The following TGM4 variants were observed in gnomAD, a reference collection of about 807,000 sequenced individuals.
TGM4 encodes the protein transglutaminase 4.
TGM4 carries 61 observed loss-of-function variants against 76.3 expected under a neutral mutation model. The ratio of observed to expected loss-of-function variants is 0.80; its 90% confidence interval spans 0.65 to 0.99. The LOEUF (loss-of-function observed/expected upper bound fraction) is 0.99, where lower values mean the gene tolerates loss of function less well. TGM4 is among the 50% of genes least tolerant of loss of function. The pLI is 0.00. For missense variants in TGM4, 794 were observed against 843.2 expected (o/e 0.94, Z 0.72); for synonymous variants, 337 against 329.8 (o/e 1.02, Z -0.24).
At chr3:44,885,254 AC>A (rs1272817057) in intron 1 of TGM4, 70 bp from the exon 2 acceptor site, 1 of 1,473,374 alleles carries the variant, frequency 6.8e-7, no homozygotes, top group Admixed American at 2.1e-5. Context: ...CAGATTTTGA[AC>A]CCAGAAAGAG....
chr3:44,886,724 G>T (rs1699612938), intron 2 of TGM4, among the ~76,000 whole-genome samples: 5 of 152,222 alleles, frequency 3.3e-5, no homozygotes, highest in Admixed American at 3.3e-4. Flanking sequence ...AATATTTGTT[G>T]AGTACCTACT....
chr3:44,910,373 C>T lies in TGM4; in HGVS notation c.1606+5C>T. 1 of 1,612,338 alleles carries T rather than the reference C, an allele frequency of 6.2e-7. No homozygotes were observed. Among genetic ancestry groups the T allele is most frequent in the Non-Finnish European group, 8.5e-7 (1 of 1,178,598 alleles). On this transcript the variant is annotated splice_donor_5th_base_variant and intron_variant, in intron 11 of 13. Transcript: ENST00000296125. Reference sequence around the variant, plus strand: ...CCTCGCAGATCCAAGGTCAAGGTACCAGAACCAGAGGGAGGAGAGGCCTCA... The same window carrying T: ...CCTCGCAGATCCAAGGTCAAGGTACTAGAACCAGAGGGAGGAGAGGCCTCA...
rs1700059780 is a variant in TGM4, at chr3:44,914,674, C to G, written c.*949C>G. ...AATGTGCTGGCGGTTTATGCAGTCA[C>G]TTGGGGAGCCATGGAATCCTTTGAT... On this transcript the variant is annotated 3_prime_UTR_variant, in exon 14 of 14. Transcript: ENST00000296125. 1.3e-5 allele frequency: 2 copies of G among 152,186 alleles called. No homozygotes were observed. The highest frequency in any genetic ancestry group is 6.5e-5 in the Admixed American group (1 of 15,284). The allele number at this position is 152,186 out of a possible 1,614,324, so 9.4% of individuals were successfully genotyped here.
chr3:44,897,966 C>T (rs1699801807), intron 6 of TGM4, among the ~76,000 whole-genome samples: 3 of 152,158 alleles, frequency 2.0e-5, no homozygotes, highest in Admixed American at 6.5e-5. Context: ...CATCTGGCCT[C>T]ACACGGATAC....
At chr3:44,885,575 T>C in intron 2 of TGM4, 77 bp downstream of exon 2, 1 of 1,510,246 alleles carries the variant, frequency 6.6e-7, no homozygotes, top group Non-Finnish European at 9.0e-7. Context: ...TGGCCCTTTC[T>C]GGTCAGTCTG....
intron 9 of TGM4, 85 bp from the exon 10 acceptor site, chr3:44,906,864 G>A: frequency 6.4e-7 from 1 of 1,569,270 alleles, no homozygotes; most frequent in Non-Finnish European, 8.7e-7. Context: ...TCCTGTTTGA[G>A]TTTGGGAATC....
intron 5 of TGM4, among the ~76,000 whole-genome samples, chr3:44,896,058 A>G (rs1040148432): frequency 6.6e-6 from 1 of 152,276 alleles, no homozygotes; most frequent in African/African-American, 2.4e-5. Flanking sequence ...TTGTAATGCT[A>G]TTTGTTCACA....
chr3:44,914,443 G>C lies in TGM4; in HGVS notation c.*718G>C, dbSNP rs1316715433. ...TGGGAGACTCCAGGGAGAAGGCATT[G>C]CTTCCTCCCTGGTGTGAACTCTTTC... On this transcript the variant is annotated 3_prime_UTR_variant, in exon 14 of 14. Coordinates refer to ENST00000296125, the MANE Select transcript of TGM4 (RefSeq NM_003241.4). 6.6e-6 allele frequency: 1 copy of C among 152,156 alleles called. No individual in the cohort carries two copies. Among genetic ancestry groups the C allele is most frequent in the African/African-American group, 2.4e-5 (1 of 41,424 alleles). 9.4% of individuals were successfully genotyped at this position (152,156 alleles called of 1,614,324 possible).
In TGM4 at chr3:44,887,729, C is replaced by G. The variant is rs148769047; in HGVS notation, c.234C>G (p.Leu78=). 11 of 1,614,110 alleles carry G rather than the reference C, an allele frequency of 6.8e-6. No homozygotes were observed. Among genetic ancestry groups the G allele is most frequent in the Non-Finnish European group, 9.3e-6 (11 of 1,180,012 alleles). Residue 78 remains leucine (L), a synonymous_variant, in exon 3 of 14, where the codon CTC becomes CTG. Transcript: ENST00000296125. ...TCGCCAAACACACCCTGGTGGTGCT[C>G]GACCCGAGGACGCCCTCAGACCACT... The part of the protein sequence containing the change: ...PSIAKHTLVV[L]DPRTPSDHYN...
At chr3:44,909,581 G>A (rs1330552835) in intron 10 of TGM4, among the ~76,000 whole-genome samples, 1 of 152,136 alleles carries the variant, frequency 6.6e-6, no homozygotes, top group African/African-American at 2.4e-5. Flanking sequence ...TTCTCTGGTA[G>A]TGGAGCTTTT....
intron 1 of TGM4, among the ~76,000 whole-genome samples, chr3:44,875,133 A>G (rs940331457): frequency 6.6e-6 from 1 of 152,250 alleles, no homozygotes; most frequent in Non-Finnish European, 1.5e-5. Flanking sequence ...CAATACAATT[A>G]TGAAGACCAG....
chr3:44,901,000 A>T (rs1381583458), intron 6 of TGM4: 1 of 156,302 alleles, frequency 6.4e-6, no homozygotes, highest in Non-Finnish European at 1.4e-5. Flanking sequence ...GCACTTTGGG[A>T]GGTTGAGACA....
intron 2 of TGM4, among the ~76,000 whole-genome samples, chr3:44,887,210 C>T (rs1287625961): frequency 6.6e-6 from 1 of 152,222 alleles, no homozygotes; most frequent in Non-Finnish European, 1.5e-5. Flanking sequence ...CTAGTAGTCC[C>T]TGGAGCTCAT....
At chr3:44,912,336 G>A (rs1223952223) in intron 13 of TGM4, among the ~76,000 whole-genome samples, 1 of 152,056 alleles carries the variant, frequency 6.6e-6, no homozygotes, top group Admixed American at 6.6e-5. Flanking sequence ...TTTTTTGGGT[G>A]TGGAGTGATG....
chr3:44,887,540 G>C (rs918203605), intron 2 of TGM4, 149 bp from the exon 3 acceptor site: 4 of 659,420 alleles, frequency 6.1e-6, no homozygotes, highest in Non-Finnish European at 1.0e-5. Flanking sequence ...GGCCCCTGCA[G>C]AATTAGAGGG....
chr3:44,913,969 T>G lies in TGM4; in HGVS notation c.*244T>G. 1 of 426,490 alleles carries G rather than the reference T, an allele frequency of 2.3e-6. No individual in the cohort carries two copies. The highest frequency in any genetic ancestry group is 4.1e-6 in the Non-Finnish European group (1 of 242,534). The allele number at this position is 426,490 out of a possible 1,614,324, so 26.4% of individuals were successfully genotyped here. A position where few individuals can be genotyped will look rare whatever the true frequency, so the allele number is the denominator to read the frequency against. ...AGGCCACAGAATCCCATCCCTTTCC[T>G]GAGTCATGGCCTCAAAAATCAGGGC... On this transcript the variant is annotated 3_prime_UTR_variant, in exon 14 of 14. Coordinates refer to ENST00000296125, the MANE Select transcript of TGM4 (RefSeq NM_003241.4).
intron 13 of TGM4, 32 bp downstream of exon 13, chr3:44,911,438 G>A (rs2125761248): frequency 6.2e-7 from 1 of 1,611,794 alleles, no homozygotes; most frequent in South Asian, 1.1e-5. Context: ...TTAGAAATAT[G>A]CTTCTGGACA....
intron 1 of TGM4, among the ~76,000 whole-genome samples, chr3:44,884,885 T>A (rs1699579972): frequency 6.6e-6 from 1 of 152,176 alleles, no homozygotes; most frequent in African/African-American, 2.4e-5. Flanking sequence ...CCTCTTTCCC[T>A]TCAGCTTTTG....
At chr3:44,894,943 C>T (rs376141482) in intron 5 of TGM4, among the ~76,000 whole-genome samples, 1 of 152,040 alleles carries the variant, frequency 6.6e-6, no homozygotes, top group African/African-American at 2.4e-5. Context: ...CCAAACGAAC[C>T]GCAGGAGGGG....
Sources: allele counts gnomAD v4.1 joint callset (sites outside exome capture counted in the v4.1 genomes callset), GRCh38; gene constraint gnomAD v4.1.1; transcripts MANE v1.5; gene names NCBI Gene and HGNC (gene_info 2026-07-23, HGNC 2026-07-21).